Variants in PIK3C2B observed in about 807,000 individuals in gnomAD.
PIK3C2B encodes the protein phosphatidylinositol-4-phosphate 3-kinase catalytic subunit type 2 beta, also known as phosphatidylinositol 4-phosphate 3-kinase C2 domain-containing subunit beta.
A neutral mutation model predicts 184.3 loss-of-function variants in PIK3C2B; 83 were observed. The observed-to-expected ratio is 0.45, with a 90% CI of 0.38 to 0.54. The LOEUF is 0.54. Among genes scored for constraint, PIK3C2B ranks in the 20% least tolerant of loss-of-function variants. The pLI is 0.00. For missense variants in PIK3C2B, 1,736 were observed against 2,113.5 expected (o/e 0.82, Z 3.50); for synonymous variants, 779 against 837.6 (o/e 0.93, Z 1.21).
Position 204,454,765 on chromosome 1 carries a change from G to A in PIK3C2B, c.1970C>T (p.Ser657Phe). The change falls in exon 12 of 33, where the codon TCC (serine) becomes TTC (phenylalanine). Residue 657 changes from serine (S) to phenylalanine (F), a missense_variant. Ser to Phe is a radical substitution (Grantham distance 155, BLOSUM62 -2). This residue lies in a region of PIK3C2B where 609 missense variants were observed against 699.2 expected (regional missense o/e 0.87). Coordinates refer to ENST00000684373, the MANE Select transcript of PIK3C2B (RefSeq NM_001377334.1). Reference sequence around the variant, plus strand: ...CAGCTCCTTGCCGCCATGGCTGAGGGAGCAGGAGAGGTAGAAATCTTCATA... The same window carrying A: ...CAGCTCCTTGCCGCCATGGCTGAGGAAGCAGGAGAGGTAGAAATCTTCATA... Reference protein sequence around the residue: ...TSYEDFYLSCSLSHGGKELCS... With the variant: ...TSYEDFYLSCFLSHGGKELCS... 6.2e-7 allele frequency: 1 copy of A among 1,613,192 alleles called. No homozygotes were observed. The highest frequency in any genetic ancestry group is 1.1e-5 in the South Asian group (1 of 91,082).
chr1:204,456,900 A>C lies in PIK3C2B; in HGVS notation c.1747+137T>G, dbSNP rs568606296. On this transcript the variant is annotated intron_variant, in intron 10 of 32. Coordinates refer to ENST00000684373, the MANE Select transcript of PIK3C2B (RefSeq NM_001377334.1). Reference sequence around the variant, plus strand: ...CACACACACACACACACACACACACACACACACCCACACACACACACACAC... The same window carrying C: ...CACACACACACACACACACACACACCCACACACCCACACACACACACACAC... 1.3e-3 allele frequency: 566 copies of C among 421,232 alleles called. 6 individuals are homozygous for C. Among genetic ancestry groups the C allele is most frequent in the African/African-American group, 0.013 (526 of 40,110 alleles). The allele number at this position is 421,232 out of a possible 1,614,324, so 26.1% of individuals were successfully genotyped here. A position where few individuals can be genotyped will look rare whatever the true frequency, so the allele number is the denominator to read the frequency against.
Position 204,449,909 on chromosome 1 carries a change from C to T in PIK3C2B, c.2175G>A (p.Lys725=), listed in dbSNP as rs1654204966. The change falls in exon 13 of 33, where the codon AAG becomes AAA. Residue 725 remains lysine, a synonymous_variant. Coordinates refer to ENST00000684373, the MANE Select transcript of PIK3C2B (RefSeq NM_001377334.1). ...CCAGGGCTTCAGGCACCCGCCGCTG[C>T]TTATTGGCCTCTGAGGAGCTCCCCG... ...PPPGSSSEAN[K]QRRVPEALGW... is the part of the protein sequence containing the mutation. The T allele has an allele frequency of 6.2e-7, 1 of 1,613,874 alleles. No individual in the cohort carries two copies. Among genetic ancestry groups the T allele is most frequent in the Admixed American group, 1.7e-5 (1 of 59,978 alleles).
chr1:204,464,367 T>A (rs1269820633), intron 4 of PIK3C2B, 83 bp downstream of exon 4: 9 of 1,310,436 alleles, frequency 6.9e-6, no homozygotes, highest in Non-Finnish European at 8.3e-6. Flanking sequence ...GGCCACAAGA[T>A]GAGGTGGAAA....
intron 8 of PIK3C2B, among the ~76,000 whole-genome samples, chr1:204,458,235 C>T (rs1021026464): frequency 1.3e-5 from 2 of 152,134 alleles, no homozygotes; most frequent in African/African-American, 4.8e-5. Context: ...TACAGACATG[C>T]CACAGCCATA....
chr1:204,424,447 G>C lies in PIK3C2B; in HGVS notation c.*405C>G, dbSNP rs551827803. ...GCATAGGTACGTCCCTTCTCGCAAG[G>C]CTTCCTGTCCCAGTTAGGACAACAT... On this transcript the variant is annotated 3_prime_UTR_variant, in exon 33 of 33. Transcript: ENST00000684373. 1 of 341,770 alleles carries C rather than the reference G, an allele frequency of 2.9e-6. No homozygotes were observed. Among genetic ancestry groups the C allele is most frequent in the African/African-American group, 2.1e-5 (1 of 46,690 alleles). The allele number at this position is 341,770 out of a possible 1,614,324, so 21.2% of individuals were successfully genotyped here.
chr1:204,474,053 G>A (rs924293392), intron 1 of PIK3C2B, among the ~76,000 whole-genome samples: 5 of 147,572 alleles, frequency 3.4e-5, no homozygotes, highest in East Asian at 2.0e-4. Flanking sequence ...GTGCAATGGC[G>A]CGATCTCGGC....
At chr1:204,457,415 G>C (rs1339944394) in intron 9 of PIK3C2B, among the ~76,000 whole-genome samples, 3 of 152,154 alleles carry the variant, frequency 2.0e-5, no homozygotes, top group East Asian at 3.9e-4. Context: ...TTTTCCTCCT[G>C]GTTTGTTTTT....
chr1:204,451,119 A>G (rs1323264655), intron 12 of PIK3C2B, among the ~76,000 whole-genome samples: 1 of 152,194 alleles, frequency 6.6e-6, no homozygotes, highest in African/African-American at 2.4e-5. Flanking sequence ...AGCTATAATT[A>G]GGGCCCCTCC....
Position 204,442,572 on chromosome 1 carries a change from C to T in PIK3C2B, c.3110G>A (p.Arg1037His), listed in dbSNP as rs140324962. ...KQFFALNGSC[R>H]LPLSPSLLVK... ...CAGCAGACTGGGGCTGAGTGGCAAG[C>T]GGCACGAGCCATTGAGGGCAAAGAA... The change falls in exon 20 of 33, where the codon CGC becomes CAC. Residue 1037 changes from arginine (R) to histidine (H), a missense_variant. By Grantham distance (29) the Arg-to-His change is conservative. This residue lies in a region of PIK3C2B where 289 missense variants were observed against 380.4 expected (regional missense o/e 0.76). Coordinates refer to ENST00000684373, the MANE Select transcript of PIK3C2B (RefSeq NM_001377334.1). 8.4e-6 allele frequency: 13 copies of T among 1,554,888 alleles called. No individual in the cohort carries two copies. Among genetic ancestry groups the T allele is most frequent in the South Asian group, 2.4e-5 (2 of 84,274 alleles).
rs746803681 is a variant in PIK3C2B at position 204,445,960 on chromosome 1, C to T, written c.2674G>A (p.Ala892Thr). 1 of 1,523,524 alleles carries T rather than the reference C, an allele frequency of 6.6e-7. No homozygotes were observed. Among genetic ancestry groups the T allele is most frequent in the Admixed American group, 2.0e-5 (1 of 49,940 alleles). 94.4% of individuals were successfully genotyped at this position (1,523,524 alleles called of 1,614,324 possible). Residue 892 changes from alanine (A) to threonine (T), a missense_variant, in exon 16 of 33, where the codon GCC becomes ACC. Around this residue, in one of 8 missense-constraint regions of PIK3C2B, gnomAD observed 289 missense variants for 380.4 expected, o/e 0.76. Transcript: ENST00000684373. ...AAGGCAGATGTTACAACTCACGTGG[C>T]ATGCAGGAGCCCCAGGGCATCCTGG... ...NHQDALGLLH[A>T]TFPDQEVRRM...
chr1:204,476,560 T>A (rs958686139), intron 1 of PIK3C2B, among the ~76,000 whole-genome samples: 1 of 152,146 alleles, frequency 6.6e-6, no homozygotes. Flanking sequence ...TTAAATTAAA[T>A]TAAAATTTAA....
intron 1 of PIK3C2B, among the ~76,000 whole-genome samples, chr1:204,473,612 C>A (rs1449340054): frequency 4.6e-5 from 7 of 152,322 alleles, no homozygotes. Flanking sequence ...ATTTTCAGCG[C>A]TGAGCTAGGA....
At chr1:204,463,055 T>C (rs1655461545) in intron 5 of PIK3C2B, among the ~76,000 whole-genome samples, 3 of 152,120 alleles carry the variant, frequency 2.0e-5, no homozygotes, top group South Asian at 4.1e-4. Context: ...AGTGAGACTC[T>C]GTCTCAAAAA....
At chr1:204,494,025 G>A (rs1303880531) in intron 1 of PIK3C2B, among the ~76,000 whole-genome samples, 1 of 152,212 alleles carries the variant, frequency 6.6e-6, no homozygotes, top group East Asian at 1.9e-4. Flanking sequence ...CAAAGCCATT[G>A]ACTGGTTCAG....
At chr1:204,449,117 A>C in intron 14 of PIK3C2B, 68 bp downstream of exon 14, 6 of 1,123,732 alleles carry the variant, frequency 5.3e-6, no homozygotes, top group Non-Finnish European at 7.9e-6. Context: ...CCAAATCTCC[A>C]GGAGAAAAAT....
intron 1 of PIK3C2B, among the ~76,000 whole-genome samples, chr1:204,482,306 C>G (rs1033741559): frequency 6.6e-6 from 1 of 152,188 alleles, no homozygotes; most frequent in Admixed American, 6.5e-5. Flanking sequence ...CCAGGTTGAT[C>G]CAGGTGGCCA....
At chr1:204,482,911 G>A (rs1657286989) in intron 1 of PIK3C2B, among the ~76,000 whole-genome samples, 1 of 152,172 alleles carries the variant, frequency 6.6e-6, no homozygotes, top group Non-Finnish European at 1.5e-5. Flanking sequence ...GATCCCAGAA[G>A]GACTGCCCAT....
chr1:204,489,620 C>G (rs754816054), intron 1 of PIK3C2B, among the ~76,000 whole-genome samples: 1 of 152,080 alleles, frequency 6.6e-6, no homozygotes, highest in Non-Finnish European at 1.5e-5. Flanking sequence ...ATTAAATCCA[C>G]TCTACTGGTG....
At chr1:204,470,753 G>A (rs1047845913) in intron 1 of PIK3C2B, among the ~76,000 whole-genome samples, 32 of 152,312 alleles carry the variant, frequency 2.1e-4, no homozygotes, top group Non-Finnish European at 3.5e-4. Context: ...AACAGTGAAT[G>A]GATTTTTAAA....
Sources: gnomAD v4.1 joint callset for allele counts (sites outside exome capture counted in the v4.1 genomes callset) on GRCh38, gnomAD v4.1.1 for gene constraint, gnomAD v4.1.1 regional missense constraint, MANE v1.5 for transcripts, NCBI Gene and HGNC (gene_info 2026-07-23, HGNC 2026-07-21) for gene names.